Variants in NELL1 observed in about 807,000 individuals in gnomAD.
NELL1 encodes the protein protein kinase C-binding protein NELL1.
A neutral mutation model predicts 107.4 loss-of-function variants in NELL1; 76 were observed. That is an observed-to-expected ratio of 0.71 (90% confidence interval 0.59 to 0.86). The LOEUF is 0.86. NELL1 is among the 40% of genes least tolerant of loss of function. The probability of loss-of-function intolerance (pLI) is 0.00; values close to 1 mark genes in which losing one functional copy is unlikely to be tolerated. For missense variants in NELL1, 1,024 were observed against 1,005.5 expected (o/e 1.02, Z -0.25); for synonymous variants, 353 against 341.2 (o/e 1.03, Z -0.38).
intron 14 of NELL1, among the ~76,000 whole-genome samples, chr11:21,352,104 G>T (rs1850831493): frequency 6.6e-6 from 1 of 152,014 alleles, no homozygotes; most frequent in Non-Finnish European, 1.5e-5. Flanking sequence ...CACACCATCT[G>T]CCTGGCCTGT....
At chr11:20,806,633 A>T (rs1234454941) in intron 3 of NELL1, among the ~76,000 whole-genome samples, 5 of 152,054 alleles carry the variant, frequency 3.3e-5, no homozygotes, top group Admixed American at 6.5e-5. Context: ...TTCTCCCCCT[A>T]CCTTTCTCTT....
At position 20,729,145 on chromosome 11, in the gene NELL1, T is replaced by A. The variant is rs201944040; in HGVS notation, c.184+51085T>A. Among the ~76,000 whole-genome samples the A allele has an allele frequency of 2.0e-5, 3 of 148,356 alleles. No homozygotes were observed. In the South Asian group the frequency reaches 6.5e-4, roughly 32 times the overall value. Reference sequence around the variant, plus strand: ...TATAAAAATGCTACTGATTTTTTTTTAACATTGATTTTGTGTCATGAAAGC... The same window carrying A: ...TATAAAAATGCTACTGATTTTTTTTAAACATTGATTTTGTGTCATGAAAGC... On this transcript the variant is annotated intron_variant, in intron 2 of 19. Coordinates refer to ENST00000357134, the MANE Select transcript of NELL1 (RefSeq NM_006157.5).
intron 12 of NELL1, among the ~76,000 whole-genome samples, chr11:21,096,998 C>G (rs1021228209): frequency 6.6e-6 from 1 of 151,960 alleles, no homozygotes; most frequent in East Asian, 1.9e-4. Context: ...ATTACAGGCA[C>G]GAGCCACCAC....
chr11:21,161,997 C>G (rs535866023), intron 13 of NELL1, among the ~76,000 whole-genome samples: 1 of 132,374 alleles, frequency 7.6e-6, no homozygotes, highest in Admixed American at 9.1e-5. Flanking sequence ...GTTGCCCAGG[C>G]TGGAGTGCAG....
At position 21,379,927 on chromosome 11, in the gene NELL1, G is replaced by C. The variant is rs377061986; in HGVS notation, c.1645+8979G>C. On this transcript the variant is annotated intron_variant, in intron 15 of 19. Coordinates refer to ENST00000357134, the MANE Select transcript of NELL1 (RefSeq NM_006157.5). ...ACTGCTTTACCCATCCCTGTTACTG[G>C]GGGAGATTTTAAGAATTTTTAAGAA... is the stretch of plus-strand genomic sequence containing the variant. Among the ~76,000 whole-genome samples, 45 of 152,102 alleles carry C rather than the reference G, an allele frequency of 3.0e-4. No individual in the cohort carries two copies. The South Asian group carries it at 8.9e-3, about 30-fold the overall frequency.
chr11:20,755,114 G>T (rs561553644), intron 2 of NELL1, among the ~76,000 whole-genome samples: 8 of 152,314 alleles, frequency 5.3e-5, no homozygotes, highest in Non-Finnish European at 7.4e-5. Flanking sequence ...CCCTGCAGGG[G>T]AGGGAAGAAG....
chr11:20,867,899 TA>T (rs985880297), intron 4 of NELL1, among the ~76,000 whole-genome samples: 1 of 152,220 alleles, frequency 6.6e-6, no homozygotes, highest in Non-Finnish European at 1.5e-5. Context: ...ATTCCATTTT[TA>T]AAATTTCTAA....
chr11:21,173,491 T>C (rs1856649674), intron 13 of NELL1, among the ~76,000 whole-genome samples: 1 of 151,972 alleles, frequency 6.6e-6, no homozygotes, highest in South Asian at 2.1e-4. Context: ...TAAACTTTAA[T>C]ACCCACCTTT....
intron 16 of NELL1, among the ~76,000 whole-genome samples, chr11:21,548,607 T>C (rs1169228116): frequency 6.6e-6 from 1 of 151,904 alleles, no homozygotes; most frequent in Non-Finnish European, 1.5e-5. Context: ...TTCATTTATC[T>C]CCCACAACAT....
chr11:20,994,109 A>G (rs1195742116), intron 12 of NELL1, among the ~76,000 whole-genome samples: 4 of 152,188 alleles, frequency 2.6e-5, no homozygotes, highest in Admixed American at 6.5e-5. Context: ...ACTTTTGTGC[A>G]TTTCTATAGC....
At chr11:20,707,779 G>A (rs1426749076) in intron 2 of NELL1, among the ~76,000 whole-genome samples, 1 of 152,156 alleles carries the variant, frequency 6.6e-6, no homozygotes, top group African/African-American at 2.4e-5. Context: ...AGTCGGTTAG[G>A]CTACTCAGGG....
intron 2 of NELL1, among the ~76,000 whole-genome samples, chr11:20,770,162 C>T (rs1334055835): frequency 6.6e-6 from 1 of 151,946 alleles, no homozygotes; most frequent in Non-Finnish European, 1.5e-5. Context: ...TCATTTTAGC[C>T]CTCAGTTATG....
intron 15 of NELL1, among the ~76,000 whole-genome samples, chr11:21,392,132 T>C (rs965109267): frequency 6.6e-6 from 1 of 151,830 alleles, no homozygotes; most frequent in African/African-American, 2.4e-5. Flanking sequence ...GTATTTCTGC[T>C]CTCAACTATG....
chr11:20,976,363 A>G (rs1466912373), intron 12 of NELL1, among the ~76,000 whole-genome samples: 1 of 152,068 alleles, frequency 6.6e-6, no homozygotes, highest in Non-Finnish European at 1.5e-5. Context: ...CTGGCTACTG[A>G]GTGACAAGCA....
chr11:21,318,441 T>C (rs1179860023), intron 14 of NELL1, among the ~76,000 whole-genome samples: 1 of 152,200 alleles, frequency 6.6e-6, no homozygotes, highest in African/African-American at 2.4e-5. Context: ...CTTCTCCATC[T>C]TTCCAAAGTT....
intron 3 of NELL1, among the ~76,000 whole-genome samples, chr11:20,807,304 T>C (rs1857405693): frequency 6.6e-6 from 1 of 152,206 alleles, no homozygotes; most frequent in Non-Finnish European, 1.5e-5. Context: ...TCTTGCAGAC[T>C]CATAGAGGTA....
At chr11:21,171,107 T>G (rs574685686) in intron 13 of NELL1, among the ~76,000 whole-genome samples, 95 of 151,918 alleles carry the variant, frequency 6.3e-4, no homozygotes, top group Non-Finnish European at 1.0e-3. Context: ...CCTCTAGATG[T>G]TTTCCTAATA....
At chr11:20,892,633 C>T (rs573677854) in intron 5 of NELL1, among the ~76,000 whole-genome samples, 7 of 152,126 alleles carry the variant, frequency 4.6e-5, no homozygotes, top group South Asian at 4.1e-4. Context: ...CACATGCGGC[C>T]GGGCGCAGTG....
intron 13 of NELL1, among the ~76,000 whole-genome samples, chr11:21,176,950 A>T (rs7480995): frequency 0.38 from 56,601 of 150,880 alleles, 11,265 homozygotes; most frequent in African/African-American, 0.47. Flanking sequence ...CGAGTTCTTC[A>T]GTTTTTTTAA....
Sources: gnomAD v4.1 joint callset for allele counts (sites outside exome capture counted in the v4.1 genomes callset) on GRCh38, gnomAD v4.1.1 for gene constraint, MANE v1.5 for transcripts, NCBI Gene and HGNC (gene_info 2026-07-23, HGNC 2026-07-21) for gene names.